The following TRAPPC9 variants were observed in gnomAD, a reference collection of about 807,000 sequenced individuals.
TRAPPC9 encodes IKK2 binding protein.
Under a neutral mutation model 124.0 loss-of-function variants are expected in TRAPPC9, and 83 were observed. That is an observed-to-expected ratio of 0.67 (90% CI 0.56 to 0.80). The LOEUF is 0.80. Among genes scored for constraint, TRAPPC9 ranks in the 30% least tolerant of loss-of-function variants. The pLI is 0.00. For missense variants in TRAPPC9, 1,302 were observed against 1,508.3 expected (o/e 0.86, Z 2.27); for synonymous variants, 638 against 617.5 (o/e 1.03, Z -0.49).
At chr8:140,098,164 T>A (rs1247102916) in intron 17 of TRAPPC9, 1 of 151,968 alleles carries the variant, frequency 6.6e-6, no homozygotes, top group Non-Finnish European at 1.5e-5. Context: ...TCAGCAGCGC[T>A]GAGATCAGCG....
chr8:139,839,496 T>C (rs1826586338), intron 21 of TRAPPC9, among the ~76,000 whole-genome samples: 1 of 152,032 alleles, frequency 6.6e-6, no homozygotes, highest in African/African-American at 2.4e-5. Flanking sequence ...GGGGAAGAAA[T>C]GGCGGGCTCA....
chr8:140,005,381 G>C (rs1157168973), intron 18 of TRAPPC9, among the ~76,000 whole-genome samples: 1 of 152,188 alleles, frequency 6.6e-6, no homozygotes, highest in African/African-American at 2.4e-5. Flanking sequence ...CACAGCACCA[G>C]CACATGAAGC....
chr8:140,439,056 A>G lies in TRAPPC9; in HGVS notation c.726T>C (p.Leu242=), dbSNP rs1298474177. 2 of 1,614,000 alleles carry G rather than the reference A, an allele frequency of 1.2e-6. No homozygotes were observed. Among genetic ancestry groups the G allele is most frequent in the Non-Finnish European group, 1.7e-6 (2 of 1,180,018 alleles). The change falls in exon 3 of 23, where the codon CTT becomes CTC. Residue 242 remains leucine (L), a synonymous_variant. Coordinates refer to ENST00000438773, the MANE Select transcript of TRAPPC9 (RefSeq NM_001160372.4). The stretch of plus-strand genomic sequence containing the variant: ...ATCTTCATCAGCTCATCTTACCTCC[A>G]AGCCACAGAAAGTCATTCACAGAAC... ...LLRSVNDFLW[L]GAALEGLCSA...
At chr8:140,204,472 G>A (rs548667417) in intron 17 of TRAPPC9, among the ~76,000 whole-genome samples, 11 of 119,814 alleles carry the variant, frequency 9.2e-5, no homozygotes, top group Admixed American at 3.2e-4. Flanking sequence ...GGGGGCTGTC[G>A]TTGGGTGGGG....
At chr8:139,878,850 T>C (rs1162151954) in intron 21 of TRAPPC9, among the ~76,000 whole-genome samples, 1 of 152,200 alleles carries the variant, frequency 6.6e-6, no homozygotes, top group Admixed American at 6.5e-5. Flanking sequence ...CTGCGTGTGG[T>C]TGAAGCGAGA....
chr8:139,964,200 G>A (rs1835541529), intron 19 of TRAPPC9, among the ~76,000 whole-genome samples: 1 of 147,364 alleles, frequency 6.8e-6, no homozygotes, highest in African/African-American at 2.5e-5. Flanking sequence ...ACTCCAGCCT[G>A]GGCGACAGAG....
intron 21 of TRAPPC9, among the ~76,000 whole-genome samples, chr8:139,782,389 A>G (rs755996863): frequency 1.3e-5 from 2 of 152,242 alleles, no homozygotes; most frequent in Non-Finnish European, 2.9e-5. Context: ...AAAGGGGGGA[A>G]AAAGGTATAT....
chr8:140,145,589 G>T (rs1032606260), intron 17 of TRAPPC9, among the ~76,000 whole-genome samples: 2 of 152,092 alleles, frequency 1.3e-5, no homozygotes, highest in African/African-American at 4.8e-5. Flanking sequence ...GAAATGTTCT[G>T]CTGTAGAACC....
chr8:140,173,849 A>G (rs889501587), intron 17 of TRAPPC9, among the ~76,000 whole-genome samples: 4 of 152,220 alleles, frequency 2.6e-5, no homozygotes, highest in African/African-American at 4.8e-5. Context: ...AACGTGCTTC[A>G]GTCTTGGCTC....
chr8:139,970,180 G>A (rs78656831), intron 19 of TRAPPC9, among the ~76,000 whole-genome samples: 48 of 152,250 alleles, frequency 3.2e-4, no homozygotes, highest in African/African-American at 1.1e-3. Context: ...GGAAACAGGC[G>A]CCAGCGATGC....
At chr8:140,393,732 C>T (rs940808528) in intron 7 of TRAPPC9, among the ~76,000 whole-genome samples, 3 of 152,190 alleles carry the variant, frequency 2.0e-5, no homozygotes, top group Non-Finnish European at 4.4e-5. Context: ...GGAATAGATA[C>T]AACTCATCAA....
chr8:140,240,820 G>A (rs1022102632), intron 16 of TRAPPC9, among the ~76,000 whole-genome samples: 9 of 152,206 alleles, frequency 5.9e-5, no homozygotes, highest in African/African-American at 1.7e-4. Context: ...GATTACAGGT[G>A]TGAGCCACTG....
intron 9 of TRAPPC9, among the ~76,000 whole-genome samples, chr8:140,340,527 C>T (rs2067164882): frequency 6.6e-6 from 1 of 152,228 alleles, no homozygotes; most frequent in South Asian, 2.1e-4. Context: ...GTGGCAGGCA[C>T]AATGCCAGGC....
intron 21 of TRAPPC9, among the ~76,000 whole-genome samples, chr8:139,884,381 G>A (rs558116431): frequency 1.3e-4 from 20 of 152,252 alleles, no homozygotes; most frequent in African/African-American, 3.1e-4. Flanking sequence ...TAGGGCTGCC[G>A]ACCCTCAGAC....
At chr8:140,031,186 G>A (rs940623628) in intron 17 of TRAPPC9, among the ~76,000 whole-genome samples, 6 of 152,120 alleles carry the variant, frequency 3.9e-5, no homozygotes, top group African/African-American at 9.7e-5. Context: ...TAAGAATCCC[G>A]GGTTCTGCAT....
intron 17 of TRAPPC9, among the ~76,000 whole-genome samples, chr8:140,215,267 A>G (rs4577933): frequency 0.72 from 109,400 of 152,036 alleles, 39,592 homozygotes; most frequent in Admixed American, 0.77. Context: ...ACCTTTACCT[A>G]GAAGGCCCTT....
intron 18 of TRAPPC9, among the ~76,000 whole-genome samples, chr8:140,012,818 C>T (rs1009930424): frequency 6.6e-6 from 1 of 152,212 alleles, no homozygotes; most frequent in Non-Finnish European, 1.5e-5. Context: ...CTGAAGTCTC[C>T]CATGAGCCTC....
At chr8:139,753,463 G>T (rs939862897) in intron 21 of TRAPPC9, among the ~76,000 whole-genome samples, 3 of 152,038 alleles carry the variant, frequency 2.0e-5, no homozygotes, top group African/African-American at 7.3e-5. Context: ...CTTCCCATCA[G>T]ATTTCCCAAT....
chr8:139,758,865 T>C (rs1011587639), intron 21 of TRAPPC9, among the ~76,000 whole-genome samples: 3 of 152,242 alleles, frequency 2.0e-5, no homozygotes, highest in Non-Finnish European at 4.4e-5. Flanking sequence ...GGCGGGTTTC[T>C]GACGCCAAAG....
Sources: allele counts gnomAD v4.1 joint callset (sites outside exome capture counted in the v4.1 genomes callset), GRCh38; gene constraint gnomAD v4.1.1; transcripts MANE v1.5; gene names NCBI Gene and HGNC (gene_info 2026-07-23, HGNC 2026-07-21).